The following CNTN4 variants were observed in gnomAD, a reference collection of about 807,000 sequenced individuals.
The protein encoded by CNTN4 is contactin-4.
CNTN4 carries 77 observed loss-of-function variants against 122.5 expected under a neutral mutation model. The ratio of observed to expected loss-of-function variants is 0.63; its 90% CI spans 0.52 to 0.76. The LOEUF (loss-of-function observed/expected upper bound fraction) is 0.76. CNTN4 is among the 30% of genes least tolerant of loss of function. The probability of loss-of-function intolerance (pLI) is 0.00; values close to 1 mark genes in which losing one functional copy is unlikely to be tolerated. For synonymous variants in CNTN4, 512 were observed against 447.0 expected (o/e 1.15, Z -1.83); for missense variants, 1,256 against 1,259.1 (o/e 1.00, Z 0.04).
intron 2 of CNTN4, among the ~76,000 whole-genome samples, chr3:2,193,089 G>T (rs990452970): frequency 6.6e-6 from 1 of 152,112 alleles, no homozygotes; most frequent in African/African-American, 2.4e-5. Context: ...CTTTACTGGA[G>T]TTGACAGCTC....
At chr3:2,590,946 T>C (rs2080441866) in intron 4 of CNTN4, among the ~76,000 whole-genome samples, 1 of 152,160 alleles carries the variant, frequency 6.6e-6, no homozygotes, top group Admixed American at 6.5e-5. Flanking sequence ...TTTGATACAT[T>C]TTGTCATAGG....
chr3:2,624,627 C>CTTTTTTTT (rs1175851279), intron 4 of CNTN4, among the ~76,000 whole-genome samples: 5 of 89,938 alleles, frequency 5.6e-5, no homozygotes, highest in Non-Finnish European at 1.1e-4. Context: ...ATTTCTGATT[C>CTTTTTTTT]TTTTTTTTTT....
At chr3:2,228,270 T>A (rs980026578) in intron 2 of CNTN4, among the ~76,000 whole-genome samples, 2 of 152,142 alleles carry the variant, frequency 1.3e-5, no homozygotes, top group Non-Finnish European at 2.9e-5. Context: ...CTAAATGTGG[T>A]TTTTACATTT....
chr3:2,124,144 A>G (rs2033977291), intron 2 of CNTN4, among the ~76,000 whole-genome samples: 1 of 152,082 alleles, frequency 6.6e-6, no homozygotes, highest in Non-Finnish European at 1.5e-5. Flanking sequence ...GTGTGCCAGA[A>G]GTCACGTAAA....
intron 2 of CNTN4, among the ~76,000 whole-genome samples, chr3:2,297,504 G>T (rs1032212388): frequency 1.3e-5 from 2 of 152,116 alleles, no homozygotes; most frequent in Non-Finnish European, 2.9e-5. Context: ...ATGCTGACCT[G>T]CCTATATAAA....
At chr3:2,549,247 A>G (rs1410644662) in intron 3 of CNTN4, among the ~76,000 whole-genome samples, 1 of 152,080 alleles carries the variant, frequency 6.6e-6, no homozygotes, top group African/African-American at 2.4e-5. Flanking sequence ...GTTGAATAGG[A>G]GTGGTAAGAG....
chr3:2,506,932 CAT>C (rs1242431208), intron 3 of CNTN4, among the ~76,000 whole-genome samples: 1 of 152,000 alleles, frequency 6.6e-6, no homozygotes, highest in Non-Finnish European at 1.5e-5. Context: ...TGCCTCCAGT[CAT>C]GTGTTCTGAG....
intron 10 of CNTN4, 72 bp downstream of exon 10, chr3:2,887,296 G>C: frequency 7.2e-7 from 1 of 1,386,220 alleles, no homozygotes; most frequent in Admixed American, 1.7e-5. Context: ...TAAGCTGAGA[G>C]GCATTCAGGC....
At chr3:2,197,559 C>G (rs574668436) in intron 2 of CNTN4, among the ~76,000 whole-genome samples, 6 of 152,018 alleles carry the variant, frequency 3.9e-5, no homozygotes, top group Non-Finnish European at 5.9e-5. Context: ...GACTCATAGG[C>G]TTTGTCAGTC....
At chr3:2,305,260 G>T (rs1422206921) in intron 2 of CNTN4, among the ~76,000 whole-genome samples, 1 of 152,142 alleles carries the variant, frequency 6.6e-6, no homozygotes, top group African/African-American at 2.4e-5. Context: ...ACCTATTAGA[G>T]AATGCCCTCA....
intron 3 of CNTN4, among the ~76,000 whole-genome samples, chr3:2,431,597 A>G (rs2616575): frequency 0.34 from 51,702 of 152,052 alleles, 9,003 homozygotes; most frequent in Admixed American, 0.4. Flanking sequence ...AATTAATCCA[A>G]TCAACTCAGA....
At chr3:2,507,775 CT>C (rs768677789) in intron 3 of CNTN4, among the ~76,000 whole-genome samples, 90 of 141,054 alleles carry the variant, frequency 6.4e-4, no homozygotes, top group Admixed American at 1.1e-3. Flanking sequence ...AGAAAATTGG[CT>C]TTTTTTTTTT....
rs139860753 is a variant in CNTN4 at position 2,215,111 on chromosome 3, T to C, written c.-145+114472T>C. ...TTTCTCACCTCTATCTCTTCTTTTC[T>C]GCCTCTTCAGATGTATTAAATATTC... On this transcript the variant is annotated intron_variant, in intron 2 of 24. Transcript: ENST00000418658. Among the ~76,000 whole-genome samples the C allele has an allele frequency of 2.9e-3, 443 of 152,336 alleles. 2 individuals are homozygous for C. The highest frequency in any genetic ancestry group is 0.01 in the African/African-American group (421 of 41,586).
chr3:3,011,334 GT>G (rs1216238432), intron 14 of CNTN4, among the ~76,000 whole-genome samples: 1 of 152,104 alleles, frequency 6.6e-6, no homozygotes, highest in African/African-American at 2.4e-5. Flanking sequence ...CAGTGAGCTG[GT>G]TTAGTTATTC....
chr3:2,862,033 A>G (rs2093676538), intron 7 of CNTN4, among the ~76,000 whole-genome samples: 2 of 152,202 alleles, frequency 1.3e-5, no homozygotes, highest in African/African-American at 4.8e-5. Flanking sequence ...CACTTGTCAA[A>G]TGTGTGATCA....
At chr3:2,469,561 AT>A (rs2075614627) in intron 3 of CNTN4, among the ~76,000 whole-genome samples, 1 of 152,214 alleles carries the variant, frequency 6.6e-6, no homozygotes, top group Non-Finnish European at 1.5e-5. Context: ...TTCTCATACA[AT>A]TAGAGGAATA....
chr3:2,366,124 G>T (rs2045366285), intron 3 of CNTN4, among the ~76,000 whole-genome samples: 2 of 152,084 alleles, frequency 1.3e-5, no homozygotes, highest in Non-Finnish European at 2.9e-5. Context: ...TTGAACCTTA[G>T]CTCTCAATTA....
intron 4 of CNTN4, among the ~76,000 whole-genome samples, chr3:2,677,129 TTAGA>T (rs71621501): frequency 0.31 from 44,182 of 142,990 alleles, 7,192 homozygotes; most frequent in Non-Finnish European, 0.37. Context: ...GATCACTCTT[TTAGA>T]TAGATAGATA....
Position 2,397,202 on chromosome 3 carries a change from T to A in CNTN4, c.-89+57969T>A, listed in dbSNP as rs1359233472. On this transcript the variant is annotated intron_variant, in intron 3 of 24. Coordinates refer to ENST00000418658, the MANE Select transcript of CNTN4 (RefSeq NM_175607.3). ...CCATGGATTGAAGTTGTGCTAAAGA[T>A]ACATTCAGTATATGTTGAAAGCAAA... Among the ~76,000 whole-genome samples, 6 of 152,322 alleles carry A rather than the reference T, an allele frequency of 3.9e-5. No individual in the cohort carries two copies. The East Asian group carries it at 1.2e-3, about 29-fold the overall frequency.
Sources: gnomAD v4.1 joint callset for allele counts (sites outside exome capture counted in the v4.1 genomes callset) on GRCh38, gnomAD v4.1.1 for gene constraint, MANE v1.5 for transcripts, NCBI Gene and HGNC (gene_info 2026-07-23, HGNC 2026-07-21) for gene names.